PPP1R9A: variants seen among roughly 807,000 people sequenced by gnomAD.
The protein encoded by PPP1R9A is neurabin-1.
Under a neutral mutation model 141.9 loss-of-function variants are expected in PPP1R9A, and 59 were observed. That is an observed-to-expected ratio of 0.42 (90% CI 0.34 to 0.52). PPP1R9A has a LOEUF of 0.52. PPP1R9A is among the 20% of genes least tolerant of loss of function. The probability of loss-of-function intolerance (pLI) is 0.10; values close to 1 mark genes in which losing one functional copy is unlikely to be tolerated. For missense variants in PPP1R9A, 1,444 were observed against 1,611.9 expected, an observed-to-expected ratio of 0.90 and a Z score of 1.78; for synonymous variants, 500 against 569.7, an observed-to-expected ratio of 0.88 and a Z score of 1.74.
At chr7:95,132,776 G>A (rs1824901800) in intron 4 of PPP1R9A, among the ~76,000 whole-genome samples, 1 of 152,162 alleles carries the variant, frequency 6.6e-6, no homozygotes, top group Admixed American at 6.5e-5. Flanking sequence ...CTATGGCTGG[G>A]CTGGGTGTGC....
In PPP1R9A at chr7:95,284,056, C is replaced by T; in HGVS notation, c.3335C>T (p.Pro1112Leu). Residue 1112 changes from proline to leucine, a missense_variant, in exon 17 of 20, where the codon CCA becomes CTA. Physicochemically the swap from Pro to Leu is moderately conservative, Grantham distance 98 (BLOSUM62 -3). This residue lies in a region of PPP1R9A where 459 missense variants were observed against 513.8 expected (regional missense o/e 0.89). Coordinates refer to ENST00000433360, the MANE Select transcript of PPP1R9A (RefSeq NM_001166160.2). ...AGACTGGAAAACTGGACACCCAAGC[C>T]ATGTTCAACAGCTCAGACCTCCACT... is the stretch of plus-strand genomic sequence containing the variant. Reference protein sequence around the residue: ...RGRLENWTPKPCSTAQTSTRS... With the variant: ...RGRLENWTPKLCSTAQTSTRS... 1 of 1,598,252 alleles carries T rather than the reference C, an allele frequency of 6.3e-7. No individual in the cohort carries two copies. Among genetic ancestry groups the T allele is most frequent in the Non-Finnish European group, 8.5e-7 (1 of 1,178,896 alleles).
At chr7:95,185,611 T>G (rs1834533866) in intron 5 of PPP1R9A, among the ~76,000 whole-genome samples, 1 of 152,194 alleles carries the variant, frequency 6.6e-6, no homozygotes, top group African/African-American at 2.4e-5. Flanking sequence ...CCTAAGCCAA[T>G]GTCTAGAAGA....
At chr7:95,056,861 A>G (rs943407722) in intron 2 of PPP1R9A, among the ~76,000 whole-genome samples, 1 of 152,154 alleles carries the variant, frequency 6.6e-6, no homozygotes, top group Non-Finnish European at 1.5e-5. Flanking sequence ...ATGAATATTT[A>G]TGTTTGGACA....
At chr7:95,270,170 T>G (rs188421658) in intron 14 of PPP1R9A, among the ~76,000 whole-genome samples, 37 of 152,264 alleles carry the variant, frequency 2.4e-4, no homozygotes, top group African/African-American at 7.5e-4. Context: ...ACCTAAAATA[T>G]TTTACTCTGT....
intron 14 of PPP1R9A, among the ~76,000 whole-genome samples, chr7:95,271,611 A>T (rs905106468): frequency 1.3e-5 from 2 of 152,188 alleles, no homozygotes; most frequent in South Asian, 4.1e-4. Flanking sequence ...ATTATAAAGG[A>T]AGAGATAGTC....
intron 2 of PPP1R9A, among the ~76,000 whole-genome samples, chr7:95,044,728 AT>A (rs1356398983): frequency 2.0e-5 from 3 of 146,846 alleles, no homozygotes; most frequent in African/African-American, 5.0e-5. Context: ...ATATATATAT[AT>A]ATAATATATA....
chr7:95,199,161 G>A (rs62467343), intron 6 of PPP1R9A, among the ~76,000 whole-genome samples: 17,194 of 152,210 alleles, frequency 0.11, 1,112 homozygotes, highest in Non-Finnish European at 0.14. Flanking sequence ...CTTGTGTGCT[G>A]TAATATAATA....
intron 2 of PPP1R9A, among the ~76,000 whole-genome samples, chr7:94,960,666 C>T (rs912711839): frequency 2.6e-5 from 4 of 151,746 alleles, no homozygotes; most frequent in African/African-American, 9.6e-5. Flanking sequence ...TTTATTTACA[C>T]ATAAGGAGAC....
intron 2 of PPP1R9A, among the ~76,000 whole-genome samples, chr7:94,969,037 T>A (rs12669284): frequency 0.092 from 14,003 of 152,060 alleles, 716 homozygotes; most frequent in East Asian, 0.16. Context: ...AGTTAGCAAT[T>A]CATCTAACCT....
intron 5 of PPP1R9A, among the ~76,000 whole-genome samples, chr7:95,183,385 C>T (rs1342943199): frequency 6.6e-6 from 1 of 151,642 alleles, no homozygotes; most frequent in Non-Finnish European, 1.5e-5. Flanking sequence ...GGTGATCTGC[C>T]CACCTTGGCC....
intron 2 of PPP1R9A, among the ~76,000 whole-genome samples, chr7:94,981,729 T>A (rs527467511): frequency 6.6e-6 from 1 of 152,298 alleles, no homozygotes; most frequent in South Asian, 2.1e-4. Flanking sequence ...CTTTTCACAC[T>A]AGTGTCCATA....
At chr7:95,065,253 G>A (rs908541237) in intron 2 of PPP1R9A, among the ~76,000 whole-genome samples, 1 of 152,022 alleles carries the variant, frequency 6.6e-6, no homozygotes, top group African/African-American at 2.4e-5. Flanking sequence ...TTTGCATAGA[G>A]ACATAGTCTT....
chr7:95,286,315 C>T lies in PPP1R9A; in HGVS notation c.3719C>T (p.Ser1240Leu). 2.5e-6 allele frequency: 4 copies of T among 1,613,202 alleles called. No individual in the cohort carries two copies. The highest frequency in any genetic ancestry group is 3.4e-6 in the Non-Finnish European group (4 of 1,179,466). ...GGGCTCTCTCAGTCCTTAGCACTGT[C>T]ATCAGATGAGGTAATTCCATGGCAC... ...TPGLSQSLAL[S>L]SDEILDDGQS... is the part of the protein sequence containing the mutation. Residue 1240 changes from serine (S) to leucine (L), a missense_variant, in exon 18 of 20, where the codon TCA becomes TTA. Physicochemically the swap from Ser to Leu is moderately radical, Grantham distance 145. Around this residue, in one of 5 missense-constraint regions of PPP1R9A, gnomAD observed 459 missense variants for 513.8 expected, o/e 0.89. Transcript: ENST00000433360.
At chr7:95,238,547 G>C (rs1226075849) in intron 8 of PPP1R9A, among the ~76,000 whole-genome samples, 1 of 152,106 alleles carries the variant, frequency 6.6e-6, no homozygotes, top group African/African-American at 2.4e-5. Flanking sequence ...TTCTGTATGA[G>C]TTTCTCATCA....
intron 4 of PPP1R9A, among the ~76,000 whole-genome samples, chr7:95,154,238 A>G (rs1268939819): frequency 1.3e-5 from 2 of 151,752 alleles, no homozygotes; most frequent in African/African-American, 4.8e-5. Flanking sequence ...GTTTCAATAA[A>G]TTTTTATATT....
At chr7:95,171,552 T>C (rs1048753135) in intron 5 of PPP1R9A, among the ~76,000 whole-genome samples, 12 of 151,616 alleles carry the variant, frequency 7.9e-5, no homozygotes, top group African/African-American at 2.9e-4. Context: ...ACCAATATTA[T>C]GAAGAACTTT....
At chr7:95,242,443 T>G (rs1237725526) in intron 8 of PPP1R9A, among the ~76,000 whole-genome samples, 1 of 152,188 alleles carries the variant, frequency 6.6e-6, no homozygotes, top group Non-Finnish European at 1.5e-5. Context: ...AAGAAAAATG[T>G]TTCCATGCTC....
At chr7:95,009,481 G>T (rs2151605589) in intron 2 of PPP1R9A, among the ~76,000 whole-genome samples, 1 of 152,248 alleles carries the variant, frequency 6.6e-6, no homozygotes, top group African/African-American at 2.4e-5. Flanking sequence ...GGGAAGTTTT[G>T]AGTTCCAGCT....
At chr7:95,112,302 A>G (rs942876280) in intron 3 of PPP1R9A, among the ~76,000 whole-genome samples, 15 of 152,318 alleles carry the variant, frequency 9.8e-5, no homozygotes, top group Middle Eastern at 3.4e-3. Flanking sequence ...GTCAACAAAC[A>G]TGAAAAAACA....
Sources: allele counts gnomAD v4.1 joint callset (sites outside exome capture counted in the v4.1 genomes callset), GRCh38; gene constraint gnomAD v4.1.1; regional missense constraint gnomAD v4.1.1; transcripts MANE v1.5; gene names NCBI Gene and HGNC (gene_info 2026-07-23, HGNC 2026-07-21).